Variants in ZNF536 observed in about 807,000 individuals in gnomAD.
ZNF536 encodes zinc finger protein 536.
ZNF536 carries 13 observed loss-of-function variants against 84.5 expected under a neutral mutation model. The ratio of observed to expected loss-of-function variants is 0.15; its 90% CI spans 0.10 to 0.24. ZNF536 has a LOEUF of 0.24. Ranked by LOEUF, ZNF536 falls within the 10% of genes least tolerant of loss-of-function variation. The pLI is 1.00. For missense variants in ZNF536, 1,536 were observed against 1,747.5 expected (o/e 0.88, Z 2.16); for synonymous variants, 811 against 742.5 (o/e 1.09, Z -1.50).
chr19:30,505,618 A>G (rs12459057), intron 2 of ZNF536, among the ~76,000 whole-genome samples: 16,662 of 152,070 alleles, frequency 0.11, 1,074 homozygotes, highest in Non-Finnish European at 0.15. Context: ...TGTTGAGGAA[A>G]CTATGACTCC....
intron 1 of ZNF536, among the ~76,000 whole-genome samples, chr19:30,660,882 T>C (rs2050098352): frequency 6.6e-6 from 1 of 152,226 alleles, no homozygotes. Flanking sequence ...TGTGTGTACA[T>C]ATACATACAC....
chr19:30,497,228 G>T (rs779009725), intron 2 of ZNF536, among the ~76,000 whole-genome samples: 17 of 152,174 alleles, frequency 1.1e-4, no homozygotes, highest in Non-Finnish European at 2.4e-4. Context: ...CTCTTGAATG[G>T]CAAATTGGTC....
chr19:30,497,868 C>A (rs1197121029), intron 2 of ZNF536, among the ~76,000 whole-genome samples: 1 of 152,182 alleles, frequency 6.6e-6, no homozygotes, highest in Non-Finnish European at 1.5e-5. Context: ...ATTCCAGAGA[C>A]ACCCTCAGAA....
chr19:30,417,759 C>T (rs1267441737), intron 1 of ZNF536, among the ~76,000 whole-genome samples: 1 of 151,926 alleles, frequency 6.6e-6, no homozygotes, highest in Non-Finnish European at 1.5e-5. Flanking sequence ...TTTTGGGGGT[C>T]GGAATTTTTG....
chr19:30,484,910 G>A (rs181230596), intron 2 of ZNF536, among the ~76,000 whole-genome samples: 438 of 152,068 alleles, frequency 2.9e-3, no homozygotes, highest in African/African-American at 9.7e-3. Flanking sequence ...TTGGGAGGCC[G>A]AGGAGGGTGG....
At chr19:30,283,239 C>T (rs769386919) in intron 1 of ZNF536, among the ~76,000 whole-genome samples, 3 of 152,200 alleles carry the variant, frequency 2.0e-5, no homozygotes, top group Non-Finnish European at 4.4e-5. Flanking sequence ...ACATCCCTTC[C>T]GTGACATGGC....
intron 1 of ZNF536, among the ~76,000 whole-genome samples, chr19:30,586,802 T>G (rs527818563): frequency 1.3e-5 from 2 of 152,310 alleles, no homozygotes; most frequent in Non-Finnish European, 1.5e-5. Context: ...GTCAACATTA[T>G]GTAATAATCT....
chr19:30,455,489 C>T (rs1299902218), intron 2 of ZNF536, among the ~76,000 whole-genome samples: 1 of 152,070 alleles, frequency 6.6e-6, no homozygotes, highest in African/African-American at 2.4e-5. Flanking sequence ...ATCACTTGAA[C>T]CCAGCAGTTT....
intron 1 of ZNF536, among the ~76,000 whole-genome samples, chr19:30,577,517 A>G (rs1288515960): frequency 1.3e-5 from 2 of 152,166 alleles, no homozygotes; most frequent in Non-Finnish European, 2.9e-5. Context: ...TCCTTGAGAT[A>G]GTATTTAAGT....
intron 2 of ZNF536, among the ~76,000 whole-genome samples, chr19:30,300,869 G>A (rs1320756039): frequency 6.6e-6 from 1 of 152,080 alleles, no homozygotes; most frequent in East Asian, 1.9e-4. Context: ...AAGTGTGTGT[G>A]TGTCTGGAGG....
At chr19:30,436,006 G>T (rs2051729754) in intron 1 of ZNF536, among the ~76,000 whole-genome samples, 1 of 152,258 alleles carries the variant, frequency 6.6e-6, no homozygotes, top group East Asian at 1.9e-4. Flanking sequence ...CCAGGGAGAA[G>T]ACATTCAAAT....
intron 1 of ZNF536, among the ~76,000 whole-genome samples, chr19:30,613,729 A>G (rs1374700426): frequency 6.6e-6 from 1 of 152,248 alleles, no homozygotes; most frequent in Non-Finnish European, 1.5e-5. Flanking sequence ...CTCCAAACTC[A>G]GCCTAACCAA....
chr19:30,470,843 G>A lies in ZNF536; in HGVS notation c.2170+25111G>A, dbSNP rs554846555. On this transcript the variant is annotated intron_variant, in intron 2 of 4. Transcript: ENST00000355537. ...TGGGATTATAGGTGCATGCCACCAC[G>A]TCCAGCTACTCTTTTTGTATTTTTA... Among the ~76,000 whole-genome samples the A allele has an allele frequency of 6.6e-5, 10 of 151,988 alleles. No individual in the cohort carries two copies. The East Asian group carries it at 1.2e-3, about 18-fold the overall frequency.
chr19:30,361,259 G>A (rs1394727955), intron 3 of ZNF536, among the ~76,000 whole-genome samples: 2 of 152,240 alleles, frequency 1.3e-5, no homozygotes, highest in African/African-American at 4.8e-5. Context: ...GTGCCTGGGC[G>A]ACAGCTTCTC....
At chr19:30,603,565 G>A (rs944998792) in intron 1 of ZNF536, among the ~76,000 whole-genome samples, 1 of 152,064 alleles carries the variant, frequency 6.6e-6, no homozygotes, top group African/African-American at 2.4e-5. Context: ...TGAACACTAT[G>A]GATATTATTG....
At chr19:30,242,168 C>T (rs1231864405) in intron 1 of ZNF536, among the ~76,000 whole-genome samples, 1 of 152,112 alleles carries the variant, frequency 6.6e-6, no homozygotes, top group Non-Finnish European at 1.5e-5. Flanking sequence ...AGTGGCCCTT[C>T]CCTCTTGCCC....
intron 2 of ZNF536, among the ~76,000 whole-genome samples, chr19:30,466,320 TCAC>T (rs1439894892): frequency 6.6e-6 from 1 of 151,178 alleles, no homozygotes; most frequent in Admixed American, 6.6e-5. Context: ...AGCAGGAGGA[TCAC>T]TTGATCCCAG....
At chr19:30,613,784 A>T (rs906975871) in intron 1 of ZNF536, among the ~76,000 whole-genome samples, 1 of 152,242 alleles carries the variant, frequency 6.6e-6, no homozygotes, top group Admixed American at 6.5e-5. Flanking sequence ...ACATTTTAAT[A>T]CAAATATATG....
chr19:30,625,716 T>C (rs1410701549), intron 1 of ZNF536, among the ~76,000 whole-genome samples: 1 of 152,238 alleles, frequency 6.6e-6, no homozygotes, highest in Non-Finnish European at 1.5e-5. Context: ...AAACCGTTTC[T>C]GGACAGAAAC....
Sources: allele counts gnomAD v4.1 joint callset (sites outside exome capture counted in the v4.1 genomes callset), GRCh38; gene constraint gnomAD v4.1.1; transcripts MANE v1.5; gene names NCBI Gene and HGNC (gene_info 2026-07-23, HGNC 2026-07-21).